The following GALK2 variants were observed in gnomAD, a reference collection of about 807,000 sequenced individuals.
GALK2 encodes N-acetylgalactosamine kinase.
In GALK2, 36 loss-of-function variants were observed where a neutral mutation model predicts 52.4. That is an observed-to-expected ratio of 0.69 (90% CI 0.53 to 0.91). The LOEUF (loss-of-function observed/expected upper bound fraction) is 0.91. Ranked by LOEUF, GALK2 falls within the 40% of genes least tolerant of loss-of-function variation. GALK2 has a pLI of 0.00. For missense variants in GALK2, 579 were observed against 559.1 expected (o/e 1.04, Z -0.36); for synonymous variants, 176 against 199.1 (o/e 0.88, Z 0.98).
intron 3 of GALK2, among the ~76,000 whole-genome samples, chr15:49,353,296 A>G (rs1467615774): frequency 6.6e-6 from 1 of 152,086 alleles, no homozygotes; most frequent in Admixed American, 6.5e-5. Flanking sequence ...CTTCAGTGCA[A>G]TCAAGGGTTT....
Position 49,329,267 on chromosome 15 carries a change from G to A in GALK2, c.*1108G>A, listed in dbSNP as rs1457040004. 1 of 985,308 alleles carries A rather than the reference G, an allele frequency of 1.0e-6. No individual in the cohort carries two copies. The highest frequency in any genetic ancestry group is 1.7e-5 in the African/African-American group (1 of 57,226). 61.0% of individuals were successfully genotyped at this position (985,308 alleles called of 1,614,324 possible). ...TATCAAGAGTGGGCAGAAATGTTTG[G>A]CTGGTGATGGCAAATGACTGGCTTT... is the stretch of plus-strand genomic sequence containing the variant. On this transcript the variant is annotated 3_prime_UTR_variant, in exon 10 of 10. Coordinates refer to ENST00000560031, the MANE Select transcript of GALK2 (RefSeq NM_002044.4).
chr15:49,186,644 A>G (rs1018305808), intron 1 of GALK2, among the ~76,000 whole-genome samples: 17 of 149,494 alleles, frequency 1.1e-4, no homozygotes, highest in African/African-American at 3.2e-4. Flanking sequence ...GGTTCAAATG[A>G]TTCTCCTGCC....
intron 8 of GALK2, among the ~76,000 whole-genome samples, chr15:49,311,917 C>T (rs1596067924): frequency 6.6e-6 from 1 of 152,238 alleles, no homozygotes; most frequent in Admixed American, 6.5e-5. Flanking sequence ...CAATGGTAGG[C>T]ACATTCGACA....
chr15:49,360,671 T>C (rs1392254546), intron 3 of GALK2, among the ~76,000 whole-genome samples: 3 of 152,142 alleles, frequency 2.0e-5, no homozygotes, highest in Non-Finnish European at 4.4e-5. Context: ...ATCCTAGACA[T>C]CAAAGTTTTT....
In GALK2 at chr15:49,235,981, A is replaced by G. The variant is rs201161586; in HGVS notation, c.357+40A>G. ...AAGGCACTTACTACCAGTTGAGATT[A>G]TCATGTGTATTCTGTCAGATTTATT... On this transcript the variant is annotated intron_variant, in intron 4 of 9. Transcript: ENST00000560031. The G allele has an allele frequency of 1.2e-4, 137 of 1,109,526 alleles. No individual in the cohort carries two copies. In the African/African-American group the frequency reaches 2.0e-3, roughly 16 times the overall value. 68.7% of individuals were successfully genotyped at this position (1,109,526 alleles called of 1,614,324 possible).
At chr15:49,262,561 C>T (rs1346191374) in intron 5 of GALK2, among the ~76,000 whole-genome samples, 3 of 151,806 alleles carry the variant, frequency 2.0e-5, no homozygotes, top group Non-Finnish European at 2.9e-5. Context: ...TTTGTGTCTC[C>T]ATTTCCTTCA....
chr15:49,342,029 G>C (rs1211455615), intron 3 of GALK2, among the ~76,000 whole-genome samples: 1 of 152,190 alleles, frequency 6.6e-6, no homozygotes. Context: ...GAAGTATTTT[G>C]TAGGTATCTC....
intron 7 of GALK2, among the ~76,000 whole-genome samples, chr15:49,289,221 GA>G (rs550312272): frequency 1.3e-5 from 2 of 152,164 alleles, no homozygotes; most frequent in Non-Finnish European, 2.9e-5. Context: ...TGGAGCCTGG[GA>G]AGTAATAGGC....
At chr15:49,314,775 G>A (rs7176697) in intron 8 of GALK2, among the ~76,000 whole-genome samples, 14,101 of 152,200 alleles carry the variant, frequency 0.093, 1,957 homozygotes, top group African/African-American at 0.3. Context: ...GCATAAAATA[G>A]AATGGAGAAA....
intron 2 of GALK2, among the ~76,000 whole-genome samples, chr15:49,216,637 C>G (rs1215183283): frequency 6.6e-6 from 1 of 152,214 alleles, no homozygotes; most frequent in African/African-American, 2.4e-5. Context: ...GGGCACTAGG[C>G]CAGTTTAGTT....
intron 3 of GALK2, among the ~76,000 whole-genome samples, chr15:49,355,468 T>A (rs1210748751): frequency 6.6e-6 from 1 of 152,000 alleles, no homozygotes; most frequent in South Asian, 2.1e-4. Context: ...GCCGATGCGA[T>A]CAACTGGAAG....
At chr15:49,242,475 T>C (rs2091147264) in intron 5 of GALK2, among the ~76,000 whole-genome samples, 1 of 152,084 alleles carries the variant, frequency 6.6e-6, no homozygotes, top group African/African-American at 2.4e-5. Context: ...AGTGTGAGAA[T>C]AGAGGAACAG....
intron 1 of GALK2, chr15:49,194,358 G>C (rs2087022940): frequency 6.6e-6 from 1 of 151,976 alleles, no homozygotes; most frequent in Non-Finnish European, 1.5e-5. Context: ...GTCATGATTT[G>C]AGATGCCACC....
At chr15:49,322,968 A>G (rs1322194708) in intron 9 of GALK2, among the ~76,000 whole-genome samples, 6 of 151,356 alleles carry the variant, frequency 4.0e-5, no homozygotes, top group Admixed American at 3.9e-4. Context: ...GGTAAAAAAA[A>G]AAAAAAAAGA....
At chr15:49,322,742 G>A (rs1432607826) in intron 9 of GALK2, among the ~76,000 whole-genome samples, 2 of 152,088 alleles carry the variant, frequency 1.3e-5, no homozygotes, top group Admixed American at 6.5e-5. Context: ...CAGATCATGA[G>A]GTCAGGAGAT....
At chr15:49,184,200 C>T (rs1355556783) in intron 1 of GALK2, among the ~76,000 whole-genome samples, 2 of 151,522 alleles carry the variant, frequency 1.3e-5, no homozygotes, top group African/African-American at 2.4e-5. Context: ...GCTGAATTGA[C>T]CCCTTTTATC....
chr15:49,306,205 AGCCT>A (rs2035533663), intron 8 of GALK2, among the ~76,000 whole-genome samples: 1 of 151,174 alleles, frequency 6.6e-6, no homozygotes, highest in Non-Finnish European at 1.5e-5. Flanking sequence ...TCCGGACAAC[AGCCT>A]ATGTAATCTA....
chr15:49,254,388 C>T lies in GALK2; in HGVS notation c.504+15021C>T, dbSNP rs2091729736. 1.4e-5 allele frequency among the ~76,000 whole-genome samples: 2 copies of T among 144,206 alleles called. 1 individual carries two copies. The highest frequency in any genetic ancestry group is 3.1e-5 in the Non-Finnish European group (2 of 64,166). 94.6% of individuals were successfully genotyped at this position (144,206 alleles called of 152,430 possible). On this transcript the variant is annotated intron_variant, in intron 5 of 9. Coordinates refer to ENST00000560031, the MANE Select transcript of GALK2 (RefSeq NM_002044.4). ...GGTTACAAAGGCATTCAGAGATTAT[C>T]TGATTATTTCTTCTTCTGATAAAAT...
At chr15:49,325,121 AT>A (rs2151097549) in intron 9 of GALK2, among the ~76,000 whole-genome samples, 1 of 152,264 alleles carries the variant, frequency 6.6e-6, no homozygotes, top group East Asian at 1.9e-4. Flanking sequence ...AAAGTAGGAA[AT>A]TTGACTTTGG....
Sources: allele counts gnomAD v4.1 joint callset (sites outside exome capture counted in the v4.1 genomes callset), GRCh38; gene constraint gnomAD v4.1.1; transcripts MANE v1.5; gene names NCBI Gene and HGNC (gene_info 2026-07-23, HGNC 2026-07-21).